PLXNA4: variants seen among roughly 807,000 people sequenced by gnomAD.
PLXNA4 encodes the protein plexin-A4.
A neutral mutation model predicts 191.8 loss-of-function variants in PLXNA4; 44 were observed. The observed-to-expected ratio is 0.23, with a 90% CI of 0.18 to 0.29. The LOEUF (loss-of-function observed/expected upper bound fraction) is 0.29, where lower values mean the gene tolerates loss of function less well. Among genes scored for constraint, PLXNA4 ranks in the 10% least tolerant of loss-of-function variants. PLXNA4 has a pLI of 1.00. For missense variants in PLXNA4, 1,800 were observed against 2,488.8 expected, an observed-to-expected ratio of 0.72 and a Z score of 5.89; for synonymous variants, 1,082 against 1,009.5, an observed-to-expected ratio of 1.07 and a Z score of -1.36.
chr7:132,344,498 G>A (rs1264795364), intron 3 of PLXNA4, among the ~76,000 whole-genome samples: 4 of 152,114 alleles, frequency 2.6e-5, no homozygotes, highest in Non-Finnish European at 5.9e-5. Flanking sequence ...AACTGCATGT[G>A]CCTTGCCTAC....
At chr7:132,456,881 C>T (rs1226203431) in intron 3 of PLXNA4, among the ~76,000 whole-genome samples, 1 of 152,206 alleles carries the variant, frequency 6.6e-6, no homozygotes, top group Admixed American at 6.5e-5. Flanking sequence ...ATTTGTCTCA[C>T]ATTCCCCAGT....
chr7:132,143,400 C>T (rs1029529789), intron 29 of PLXNA4, among the ~76,000 whole-genome samples: 13 of 152,130 alleles, frequency 8.5e-5, no homozygotes, highest in Non-Finnish European at 5.9e-5. Flanking sequence ...GTGGCCTTGC[C>T]CCAGCAGGAG....
At chr7:132,458,510 A>T (rs982913153) in intron 3 of PLXNA4, among the ~76,000 whole-genome samples, 21 of 151,896 alleles carry the variant, frequency 1.4e-4, no homozygotes, top group Admixed American at 3.9e-4. Flanking sequence ...AGCTGCATAG[A>T]GTGAGCTGGG....
In PLXNA4 at chr7:132,307,351, A is replaced by G. The variant is rs1222182331; in HGVS notation, c.1372-9129T>C. ...ATACTGTGTCCTGCGTTCATTTATG[A>G]TGGTTATTGTTTACACCCTTGCTAG... On this transcript the variant is annotated intron_variant, in intron 3 of 31. Transcript: ENST00000321063. Among the ~76,000 whole-genome samples, 12 of 152,054 alleles carry G rather than the reference A, an allele frequency of 7.9e-5. No individual in the cohort carries two copies. The East Asian group carries it at 2.3e-3, about 29-fold the overall frequency.
chr7:132,236,223 C>T (rs1452997649), intron 5 of PLXNA4, among the ~76,000 whole-genome samples: 3 of 152,216 alleles, frequency 2.0e-5, no homozygotes, highest in Non-Finnish European at 2.9e-5. Context: ...GAGGCCCTGA[C>T]CTTGCACTGC....
At chr7:132,300,272 G>C (rs962851241) in intron 3 of PLXNA4, among the ~76,000 whole-genome samples, 22 of 152,088 alleles carry the variant, frequency 1.4e-4, no homozygotes, top group Admixed American at 2.0e-4. Flanking sequence ...TTACATGAGA[G>C]TCCTTGCTCC....
In PLXNA4 at chr7:132,159,815, G is replaced by T. The variant is rs531502897; in HGVS notation, c.4501-183C>A. On this transcript the variant is annotated intron_variant, in intron 24 of 31. Transcript: ENST00000321063. Reference sequence around the variant, plus strand: ...AAGCCCACTGCCCTTTCCTGTCCAGGCAAGCAGGACAATGCCTTGGCTTCA... The same window carrying T: ...AAGCCCACTGCCCTTTCCTGTCCAGTCAAGCAGGACAATGCCTTGGCTTCA... Among the ~76,000 whole-genome samples, 38 of 152,300 alleles carry T rather than the reference G, an allele frequency of 2.5e-4. 1 individual carries two copies. In the South Asian group the frequency reaches 5.2e-3, roughly 21 times the overall value.
chr7:132,629,459 G>T (rs942925476), intron 2 of PLXNA4, among the ~76,000 whole-genome samples: 1 of 152,168 alleles, frequency 6.6e-6, no homozygotes, highest in Non-Finnish European at 1.5e-5. Context: ...TTTTAAAACT[G>T]ATGCCTAGAC....
intron 3 of PLXNA4, chr7:132,484,828 C>T (rs764594707): frequency 6.2e-7 from 1 of 1,613,976 alleles, no homozygotes; most frequent in South Asian, 1.1e-5. Flanking sequence ...AGGAAGAATT[C>T]CCAGGTACAT....
Position 132,604,506 on chromosome 7 carries a change from C to T in PLXNA4, c.-87+41422G>A, listed in dbSNP as rs981295859. 3.9e-5 allele frequency among the ~76,000 whole-genome samples: 6 copies of T among 152,250 alleles called. No individual in the cohort carries two copies. The East Asian group carries it at 7.7e-4, about 20-fold the overall frequency. Reference sequence around the variant, plus strand: ...CGTGAAAAGTAGCTTGTGCTGGTTTCGTTACATGAAATAGAAAAGAGTCTT... The same window carrying T: ...CGTGAAAAGTAGCTTGTGCTGGTTTTGTTACATGAAATAGAAAAGAGTCTT... On this transcript the variant is annotated intron_variant, in intron 2 of 4. Transcript: ENST00000378539.
chr7:132,549,146 G>A (rs534665015), intron 1 of PLXNA4, among the ~76,000 whole-genome samples: 3 of 152,210 alleles, frequency 2.0e-5, no homozygotes, highest in African/African-American at 7.2e-5. Flanking sequence ...AGCTCATCCT[G>A]CTGCTCTGCC....
intron 1 of PLXNA4, among the ~76,000 whole-genome samples, chr7:132,512,867 G>C (rs1798783267): frequency 6.6e-6 from 1 of 152,152 alleles, no homozygotes; most frequent in South Asian, 2.1e-4. Flanking sequence ...TCGCTCTCAA[G>C]TCACCATTTA....
intron 14 of PLXNA4, among the ~76,000 whole-genome samples, chr7:132,189,042 GAGAGAGAGAGA>G (rs1562909204): frequency 4.5e-5 from 4 of 88,880 alleles, no homozygotes; most frequent in African/African-American, 2.1e-4. Context: ...GAGAGAGAGA[GAGAGAGAGAGA>G]GAGAGAGAGA....
chr7:132,539,993 C>A (rs187446716), intron 1 of PLXNA4, among the ~76,000 whole-genome samples: 10 of 152,334 alleles, frequency 6.6e-5, no homozygotes, highest in Admixed American at 5.2e-4. Flanking sequence ...TCCTCTGGGG[C>A]CATTTCCCTT....
rs1584763303 is a variant in PLXNA4 at position 132,147,823 on chromosome 7, C to A, written c.4864+77G>T. ...TCTCCCCTCTCCAAGAGTCTCCTGC[C>A]TTCTGGCTATGCTGCTGTCATGACA... On this transcript the variant is annotated intron_variant, in intron 27 of 31. Coordinates refer to ENST00000321063, the MANE Select transcript of PLXNA4 (RefSeq NM_020911.2). The A allele has an allele frequency of 1.9e-6, 3 of 1,596,108 alleles. No homozygotes were observed. The East Asian group carries it at 6.7e-5, about 36-fold the overall frequency.
At chr7:132,463,683 T>C (rs1387800246) in intron 3 of PLXNA4, among the ~76,000 whole-genome samples, 3 of 152,244 alleles carry the variant, frequency 2.0e-5, no homozygotes, top group Non-Finnish European at 4.4e-5. Flanking sequence ...CATTCTTCCC[T>C]CTGGCTTACG....
At chr7:132,579,539 T>TC (rs1802362827), upstream of PLXNA4, among the ~76,000 whole-genome samples, 2 of 151,884 alleles carry the variant, frequency 1.3e-5, no homozygotes, top group Non-Finnish European at 2.9e-5. Flanking sequence ...TTTTTTTTTT[T>TC]TCCAGAGGTG....
intron 31 of PLXNA4, among the ~76,000 whole-genome samples, chr7:132,130,898 T>C (rs1180357119): frequency 1.3e-5 from 2 of 152,218 alleles, no homozygotes; most frequent in South Asian, 2.1e-4. Flanking sequence ...TGTGCCGAGA[T>C]GCTGCAGTTA....
intron 4 of PLXNA4, among the ~76,000 whole-genome samples, chr7:132,289,710 T>C (rs1447550814): frequency 2.0e-5 from 3 of 152,054 alleles, no homozygotes; most frequent in Non-Finnish European, 4.4e-5. Context: ...TTTTTAAATT[T>C]TTTGTAGAGA....
Sources: allele counts gnomAD v4.1 joint callset (sites outside exome capture counted in the v4.1 genomes callset), GRCh38; gene constraint gnomAD v4.1.1; transcripts MANE v1.5; gene names NCBI Gene and HGNC (gene_info 2026-07-23, HGNC 2026-07-21).